The following IFT74 variants were observed in gnomAD, a reference collection of about 807,000 sequenced individuals.
IFT74 encodes the protein intraflagellar transport 74, also known as intraflagellar transport protein 74 homolog.
Under a neutral mutation model 96.7 loss-of-function variants are expected in IFT74, and 92 were observed. The observed-to-expected ratio is 0.95, with a 90% CI of 0.80 to 1.13. IFT74 has a LOEUF of 1.13. Ranked by LOEUF, IFT74 falls within the 50% of genes most tolerant of loss-of-function variation. The pLI is 0.00. For synonymous variants in IFT74, 223 were observed against 213.2 expected (o/e 1.05, Z -0.40); for missense variants, 811 against 698.2 (o/e 1.16, Z -1.82).
At position 27,009,001 on chromosome 9, in the gene IFT74, T is replaced by C; in HGVS notation, c.588-19T>C. On this transcript the variant is annotated intron_variant, in intron 8 of 19. Coordinates refer to ENST00000380062, the MANE Select transcript of IFT74 (RefSeq NM_025103.4). ...TTCCTCAATATAGTATCAGGAATAT[T>C]ACGTGCTTCTGATTTTAGGAAAGAA... 2 of 1,600,592 alleles carry C rather than the reference T, an allele frequency of 1.2e-6. No individual in the cohort carries two copies. Among genetic ancestry groups the C allele is most frequent in the Non-Finnish European group, 1.7e-6 (2 of 1,170,594 alleles).
Position 26,997,652 on chromosome 9 carries a change from C to T in IFT74, c.587+7457C>T, listed in dbSNP as rs552366313. 1.1e-4 allele frequency: 165 copies of T among 1,457,652 alleles called. No homozygotes were observed. In the Middle Eastern group the frequency reaches 1.8e-3, roughly 16 times the overall value. 90.3% of individuals were successfully genotyped at this position (1,457,652 alleles called of 1,614,324 possible). On this transcript the variant is annotated intron_variant, in intron 8 of 19. Coordinates refer to ENST00000380062, the MANE Select transcript of IFT74 (RefSeq NM_025103.4). ...CCTGGCTGCTTCCTTTTCTTTAAAA[C>T]GTGATATGAGAGATTTTTCTGTGGT...
intron 16 of IFT74, among the ~76,000 whole-genome samples, chr9:27,053,279 C>T (rs1032409034): frequency 1.3e-5 from 2 of 149,192 alleles, no homozygotes; most frequent in Non-Finnish European, 3.0e-5. Flanking sequence ...GGCTACACAC[C>T]ACATGGGTGA....
chr9:26,984,284 A>G lies in IFT74; in HGVS notation c.333A>G (p.Glu111=). ...GTAAAATAAGTGAACTTACAACTGA[A>G]GTTAATAAACTTCAGAAGGGAATAG... ...LRSKISELTT[E]VNKLQKGIEM... The change falls in exon 5 of 20, where the codon GAA becomes GAG. Residue 111 remains glutamate (E), a synonymous_variant. Transcript: ENST00000380062. 1.3e-6 allele frequency: 2 copies of G among 1,569,812 alleles called. No homozygotes were observed. Among genetic ancestry groups the G allele is most frequent in the Non-Finnish European group, 1.7e-6 (2 of 1,156,286 alleles).
At chr9:27,051,809 T>A (rs967782040) in intron 16 of IFT74, among the ~76,000 whole-genome samples, 4 of 152,228 alleles carry the variant, frequency 2.6e-5, no homozygotes, top group African/African-American at 9.6e-5. Flanking sequence ...TTTTAAAGTC[T>A]ATCTGTAGAC....
chr9:26,993,816 A>T (rs1258006029), intron 8 of IFT74: 1 of 152,180 alleles, frequency 6.6e-6, no homozygotes, highest in Non-Finnish European at 1.5e-5. Flanking sequence ...CCACTGTTCC[A>T]TTCCACGTGT....
At chr9:27,002,443 C>T (rs1828549900) in intron 8 of IFT74, among the ~76,000 whole-genome samples, 1 of 152,190 alleles carries the variant, frequency 6.6e-6, no homozygotes, top group African/African-American at 2.4e-5. Flanking sequence ...TTATTAAAGT[C>T]TTTAATCCAT....
chr9:26,999,377 C>G (rs1275600213), intron 8 of IFT74, among the ~76,000 whole-genome samples: 1 of 152,018 alleles, frequency 6.6e-6, no homozygotes, highest in African/African-American at 2.4e-5. Flanking sequence ...AAACTAATTT[C>G]TGATTTTATA....
chr9:27,023,523 A>G (rs1387899776), intron 12 of IFT74, among the ~76,000 whole-genome samples: 1 of 152,032 alleles, frequency 6.6e-6, no homozygotes, highest in African/African-American at 2.4e-5. Flanking sequence ...TTGATCATGG[A>G]GGATCTTTTT....
At chr9:27,030,285 G>A (rs1830060005) in intron 13 of IFT74, among the ~76,000 whole-genome samples, 1 of 152,038 alleles carries the variant, frequency 6.6e-6, no homozygotes, top group Non-Finnish European at 1.5e-5. Context: ...GCGGTGCAGT[G>A]GCTCAATCAC....
intron 13 of IFT74, among the ~76,000 whole-genome samples, chr9:27,042,283 G>T (rs1819517212): frequency 6.6e-6 from 1 of 152,108 alleles, no homozygotes. Context: ...AGCGTTAGAA[G>T]TTCATTAAGA....
At chr9:27,002,526 G>A (rs965796839) in intron 8 of IFT74, among the ~76,000 whole-genome samples, 5 of 152,186 alleles carry the variant, frequency 3.3e-5, no homozygotes, top group African/African-American at 1.2e-4. Flanking sequence ...AGTTTTTCTA[G>A]CACCATTTAT....
chr9:27,065,764 A>G lies in IFT74; in HGVS notation c.*3028A>G, dbSNP rs1038048313. Among the ~76,000 whole-genome samples the G allele has an allele frequency of 6.6e-6, 1 of 152,200 alleles. No homozygotes were observed. The highest frequency in any genetic ancestry group is 2.4e-5 in the African/African-American group (1 of 41,452). On this transcript the variant is annotated 3_prime_UTR_variant, in exon 20 of 20. Coordinates refer to ENST00000380062, the MANE Select transcript of IFT74 (RefSeq NM_025103.4). ...CTTTTGCTATACAATTGCAGTGTAAACAACCTTAGGGAAATTATAATGTTT... is the reference window on the plus strand; with the variant it reads ...CTTTTGCTATACAATTGCAGTGTAAGCAACCTTAGGGAAATTATAATGTTT...
chr9:27,035,168 C>T (rs1043002135), intron 13 of IFT74, among the ~76,000 whole-genome samples: 5 of 152,148 alleles, frequency 3.3e-5, no homozygotes, highest in African/African-American at 9.7e-5. Context: ...ATTGTTAATG[C>T]TGTTACTTTA....
intron 8 of IFT74, chr9:26,999,802 G>C (rs1828380413): frequency 1.5e-6 from 1 of 676,246 alleles, no homozygotes; most frequent in Non-Finnish European, 2.2e-6. Flanking sequence ...GGCTGAGACA[G>C]GGTCTCACTC....
At chr9:26,988,556 T>C (rs903209662) in intron 6 of IFT74, 113 bp from the exon 7 acceptor site, 65 of 991,984 alleles carry the variant, frequency 6.6e-5, no homozygotes, top group Non-Finnish European at 9.0e-5. Flanking sequence ...AAAGTATTAA[T>C]ACTTAAGTTA....
At chr9:26,982,910 T>C (rs1307207082) in intron 4 of IFT74, among the ~76,000 whole-genome samples, 1 of 152,178 alleles carries the variant, frequency 6.6e-6, no homozygotes, top group East Asian at 1.9e-4. Flanking sequence ...TTTTGTTATA[T>C]GTCTCTGGGG....
intron 6 of IFT74, 59 bp downstream of exon 6, chr9:26,984,618 C>T (rs375793406): frequency 9.0e-6 from 12 of 1,327,704 alleles, no homozygotes; most frequent in South Asian, 8.5e-5. Flanking sequence ...TTTACTACTG[C>T]TTTAAAAATA....
intron 8 of IFT74, chr9:26,993,661 T>G (rs1419177114): frequency 6.6e-6 from 1 of 152,232 alleles, no homozygotes; most frequent in Admixed American, 6.5e-5. Flanking sequence ...TTTTTAAAAC[T>G]TTATTATATA....
chr9:26,962,659 C>A (rs574862097), intron 2 of IFT74, among the ~76,000 whole-genome samples: 6 of 152,208 alleles, frequency 3.9e-5, no homozygotes, highest in African/African-American at 1.2e-4. Context: ...TTCTACATAG[C>A]TTAGAAACTT....
Sources: gnomAD v4.1 joint callset for allele counts (sites outside exome capture counted in the v4.1 genomes callset) on GRCh38, gnomAD v4.1.1 for gene constraint, MANE v1.5 for transcripts, NCBI Gene and HGNC (gene_info 2026-07-23, HGNC 2026-07-21) for gene names.